ADGRB3: variants seen among roughly 807,000 people sequenced by gnomAD.
ADGRB3 encodes brain-specific angiogenesis inhibitor 3.
In ADGRB3, 37 loss-of-function variants were observed where a neutral mutation model predicts 193.4. That is an observed-to-expected ratio of 0.19 (90% CI 0.15 to 0.25). The LOEUF is 0.25. Ranked by LOEUF, ADGRB3 falls within the 10% of genes least tolerant of loss-of-function variation. ADGRB3 has a pLI of 1.00. For synonymous variants in ADGRB3, 690 were observed against 644.2 expected, an observed-to-expected ratio of 1.07 and a Z score of -1.08; for missense variants, 1,637 against 1,852.9, an observed-to-expected ratio of 0.88 and a Z score of 2.14.
chr6:69,254,689 TTG>T (rs1231295709), intron 20 of ADGRB3, among the ~76,000 whole-genome samples: 2 of 151,848 alleles, frequency 1.3e-5, no homozygotes, highest in East Asian at 3.9e-4. Context: ...AAAAATGCCT[TTG>T]TATTTCTTTT....
At chr6:68,656,152 A>C (rs889023224) in intron 3 of ADGRB3, among the ~76,000 whole-genome samples, 1 of 151,648 alleles carries the variant, frequency 6.6e-6, no homozygotes, top group Non-Finnish European at 1.5e-5. Context: ...CTAGCAATAA[A>C]ATATAAATCC....
chr6:68,936,494 T>A (rs1402678891), intron 4 of ADGRB3, 25 bp from the exon 5 acceptor site: 6 of 1,609,244 alleles, frequency 3.7e-6, no homozygotes, highest in Non-Finnish European at 4.2e-6. Flanking sequence ...CAGTATTTCA[T>A]GTTTATTTGT....
intron 13 of ADGRB3, among the ~76,000 whole-genome samples, chr6:69,037,684 T>G (rs1194837778): frequency 1.3e-5 from 2 of 152,146 alleles, no homozygotes; most frequent in African/African-American, 4.8e-5. Flanking sequence ...TCTCTTTCTG[T>G]CTCTCACCAT....
intron 17 of ADGRB3, among the ~76,000 whole-genome samples, chr6:69,146,222 C>T (rs1231227487): frequency 1.3e-5 from 2 of 152,148 alleles, no homozygotes; most frequent in Admixed American, 1.3e-4. Context: ...CTGGAGGGGT[C>T]TAAATTGGGA....
At chr6:69,159,066 A>G (rs1774920881) in intron 17 of ADGRB3, among the ~76,000 whole-genome samples, 1 of 152,074 alleles carries the variant, frequency 6.6e-6, no homozygotes, top group Non-Finnish European at 1.5e-5. Context: ...CTGTGGCTTT[A>G]GTCTAATGTC....
intron 11 of ADGRB3, among the ~76,000 whole-genome samples, chr6:69,006,265 A>T (rs565817705): frequency 6.6e-6 from 1 of 152,044 alleles, no homozygotes; most frequent in East Asian, 1.9e-4. Context: ...TATAATATGG[A>T]TGTATTCATG....
At chr6:69,351,429 T>G (rs1223621280) in intron 26 of ADGRB3, among the ~76,000 whole-genome samples, 1 of 152,120 alleles carries the variant, frequency 6.6e-6, no homozygotes, top group African/African-American at 2.4e-5. Flanking sequence ...ATAAATAAAA[T>G]GGAGCATTTA....
chr6:69,251,335 C>T (rs1291350973), intron 20 of ADGRB3, among the ~76,000 whole-genome samples: 1 of 152,116 alleles, frequency 6.6e-6, no homozygotes, highest in Non-Finnish European at 1.5e-5. Context: ...TGAGCACTCT[C>T]ATGGTTTTTC....
At chr6:69,258,544 T>C (rs1766832353) in intron 20 of ADGRB3, among the ~76,000 whole-genome samples, 1 of 152,392 alleles carries the variant, frequency 6.6e-6, no homozygotes, top group East Asian at 1.9e-4. Context: ...CCTTTATGTA[T>C]TTAAAATGTT....
intron 8 of ADGRB3, among the ~76,000 whole-genome samples, chr6:68,972,629 G>C (rs780966979): frequency 6.7e-6 from 1 of 149,668 alleles, no homozygotes; most frequent in Non-Finnish European, 1.5e-5. Context: ...CTCGTAGGTG[G>C]TTGGGAGAGA....
At chr6:68,818,070 G>C (rs562391181) in intron 3 of ADGRB3, among the ~76,000 whole-genome samples, 1 of 151,970 alleles carries the variant, frequency 6.6e-6, no homozygotes, top group Non-Finnish European at 1.5e-5. Flanking sequence ...GAATAAAGTG[G>C]CTTTAGGTTC....
chr6:69,279,071 GTATATATATATATATATA>G lies in ADGRB3; in HGVS notation c.2814+39877_2814+39894del, dbSNP rs57824884. On this transcript the variant is annotated intron_variant, in intron 20 of 31. Coordinates refer to ENST00000370598, the MANE Select transcript of ADGRB3 (RefSeq NM_001704.3). ...CTCATATGGCATATTAAATACATAT[GTATATATATATATATATA>G]TATATATATATATATATATATATAT... is the stretch of plus-strand genomic sequence containing the variant. 1.6e-3 allele frequency among the ~76,000 whole-genome samples: 111 copies of G among 71,376 alleles called. 2 individuals carry two copies. The highest frequency in any genetic ancestry group is 3.4e-3 in the African/African-American group (73 of 21,752). The allele number at this position is 71,376 out of a possible 152,430, so 46.8% of individuals were successfully genotyped here.
chr6:69,022,730 T>C (rs1770308360), intron 13 of ADGRB3, among the ~76,000 whole-genome samples: 1 of 152,028 alleles, frequency 6.6e-6, no homozygotes, highest in Non-Finnish European at 1.5e-5. Context: ...TTTGGATTTC[T>C]TTTGCGGTAA....
chr6:69,275,157 G>A (rs1227721573), intron 20 of ADGRB3, among the ~76,000 whole-genome samples: 1 of 152,152 alleles, frequency 6.6e-6, no homozygotes, highest in Non-Finnish European at 1.5e-5. Flanking sequence ...CTGAGATGCT[G>A]AGAGCATTGT....
chr6:69,177,952 C>G (rs1775472721), intron 17 of ADGRB3, among the ~76,000 whole-genome samples: 1 of 152,120 alleles, frequency 6.6e-6, no homozygotes, highest in Non-Finnish European at 1.5e-5. Flanking sequence ...TCTATTAGCT[C>G]CAATTGGTCA....
chr6:69,189,971 A>G (rs1765153968), intron 17 of ADGRB3, among the ~76,000 whole-genome samples: 1 of 152,164 alleles, frequency 6.6e-6, no homozygotes, highest in Admixed American at 6.6e-5. Context: ...ATCCTAGTGC[A>G]AGGCAGTATG....
At chr6:69,119,814 G>A (rs549093927) in intron 17 of ADGRB3, among the ~76,000 whole-genome samples, 2 of 152,260 alleles carry the variant, frequency 1.3e-5, no homozygotes, top group East Asian at 3.9e-4. Flanking sequence ...AATGGGCTCT[G>A]AAAAAGTGAA....
At chr6:68,668,315 C>T (rs1027039937) in intron 3 of ADGRB3, among the ~76,000 whole-genome samples, 25 of 152,074 alleles carry the variant, frequency 1.6e-4, no homozygotes, top group Admixed American at 6.6e-4. Context: ...AAATCACATC[C>T]GGAACCCTAC....
chr6:68,717,809 A>G (rs181526235), intron 3 of ADGRB3, among the ~76,000 whole-genome samples: 8 of 151,898 alleles, frequency 5.3e-5, no homozygotes, highest in Non-Finnish European at 1.0e-4. Flanking sequence ...CAGTGGACAG[A>G]TGATTTGTTC....
Sources: allele counts gnomAD v4.1 joint callset (sites outside exome capture counted in the v4.1 genomes callset), GRCh38; gene constraint gnomAD v4.1.1; transcripts MANE v1.5; gene names NCBI Gene and HGNC (gene_info 2026-07-23, HGNC 2026-07-21).